The following KIAA1217 variants were observed in gnomAD, a reference collection of about 807,000 sequenced individuals.
The protein encoded by KIAA1217 is KIAA1217, also known as sickle tail protein homolog.
A neutral mutation model predicts 163.9 loss-of-function variants in KIAA1217; 88 were observed. That is an observed-to-expected ratio of 0.54 (90% CI 0.45 to 0.64). The LOEUF (loss-of-function observed/expected upper bound fraction) is 0.64, where lower values mean the gene tolerates loss of function less well. Ranked by LOEUF, KIAA1217 falls within the 30% of genes least tolerant of loss-of-function variation. KIAA1217 has a pLI of 0.00. For synonymous variants in KIAA1217, 903 were observed against 923.1 expected, an observed-to-expected ratio of 0.98 and a Z score of 0.39; for missense variants, 2,372 against 2,475.0, an observed-to-expected ratio of 0.96 and a Z score of 0.88.
At chr10:23,751,225 T>C (rs1185129309) in intron 1 of KIAA1217, among the ~76,000 whole-genome samples, 1 of 151,980 alleles carries the variant, frequency 6.6e-6, no homozygotes, top group Admixed American at 6.6e-5. Context: ...CTGGGGTTTC[T>C]CCATGTTGCC....
chr10:24,533,347 G>T, intron 16 of KIAA1217, 110 bp downstream of exon 16: 1 of 1,069,444 alleles, frequency 9.4e-7, no homozygotes, highest in Non-Finnish European at 1.3e-6. Flanking sequence ...CATGGACCGG[G>T]ACCATAGAAG....
intron 1 of KIAA1217, among the ~76,000 whole-genome samples, chr10:23,818,351 A>AAATATATATAT (rs374977941): frequency 5.9e-5 from 8 of 134,908 alleles, no homozygotes; most frequent in African/African-American, 2.0e-4. Context: ...TATATAAAAA[A>AAATATATATAT]ATATATATAT....
chr10:24,350,560 A>C (rs2048332086), intron 2 of KIAA1217, among the ~76,000 whole-genome samples: 2 of 152,240 alleles, frequency 1.3e-5, no homozygotes, highest in African/African-American at 4.8e-5. Context: ...CAAGCCATAA[A>C]ACATCAGTAA....
intron 5 of KIAA1217, among the ~76,000 whole-genome samples, chr10:24,465,975 C>T (rs935913661): frequency 1.1e-4 from 17 of 152,202 alleles, no homozygotes; most frequent in African/African-American, 3.9e-4. Flanking sequence ...GTTCCTTGCC[C>T]GGCGCTATGT....
chr10:24,157,983 G>A lies in KIAA1217; in HGVS notation c.-170-61643G>A, dbSNP rs11013923. ...CCAGCCCTGGTGACTCCACAATCTC[G>A]ATCAATTAGTGGCCCTTCAGTAGGA... is the stretch of plus-strand genomic sequence containing the variant. On this transcript the variant is annotated intron_variant, in intron 2 of 18. Transcript: ENST00000376462. The A allele has an allele frequency of 1.6e-3, 1,178 of 758,462 alleles. 6 individuals are homozygous for A. In the African/African-American group the frequency reaches 0.017, roughly 11 times the overall value. 47.0% of individuals were successfully genotyped at this position (758,462 alleles called of 1,614,324 possible). A position where few individuals can be genotyped will look rare whatever the true frequency, so the allele number is the denominator to read the frequency against.
At chr10:24,033,796 A>G (rs1564623902) in intron 2 of KIAA1217, among the ~76,000 whole-genome samples, 1 of 152,208 alleles carries the variant, frequency 6.6e-6, no homozygotes, top group Non-Finnish European at 1.5e-5. Flanking sequence ...GTTTTTACAA[A>G]CAAAGTTTTA....
intron 1 of KIAA1217, among the ~76,000 whole-genome samples, chr10:23,906,076 GC>G (rs1414002672): frequency 6.6e-6 from 1 of 151,940 alleles, no homozygotes; most frequent in Non-Finnish European, 1.5e-5. Flanking sequence ...AAGCAAAAGG[GC>G]CCAGCTAATT....
At chr10:24,505,839 T>C (rs1592496541) in intron 9 of KIAA1217, among the ~76,000 whole-genome samples, 2 of 152,232 alleles carry the variant, frequency 1.3e-5, no homozygotes, top group East Asian at 1.9e-4. Flanking sequence ...TTTGAAATGA[T>C]ACAATTCAAT....
At chr10:24,310,570 C>T (rs1228729874) in intron 2 of KIAA1217, among the ~76,000 whole-genome samples, 1 of 152,196 alleles carries the variant, frequency 6.6e-6, no homozygotes, top group Non-Finnish European at 1.5e-5. Flanking sequence ...ACAAATTACA[C>T]ACCACTCCCC....
At chr10:24,165,849 C>T (rs905877213) in intron 2 of KIAA1217, among the ~76,000 whole-genome samples, 2 of 152,154 alleles carry the variant, frequency 1.3e-5, no homozygotes, top group South Asian at 2.1e-4. Context: ...GTTTGCTGAA[C>T]CTTTAGCAAG....
At chr10:23,853,024 G>A (rs1479708729) in intron 1 of KIAA1217, among the ~76,000 whole-genome samples, 2 of 152,194 alleles carry the variant, frequency 1.3e-5, no homozygotes, top group East Asian at 1.9e-4. Flanking sequence ...CTGCCTAATT[G>A]CCCCGGCCAG....
Position 23,772,866 on chromosome 10 carries a change from G to T in KIAA1217, c.-321+77632G>T, listed in dbSNP as rs529909035. 3.2e-4 allele frequency among the ~76,000 whole-genome samples: 49 copies of T among 152,194 alleles called. 1 individual carries two copies. In the South Asian group the frequency reaches 1.0e-2, roughly 31 times the overall value. On this transcript the variant is annotated intron_variant, in intron 1 of 18. Transcript: ENST00000376462. ...ATACACAAACAAGGATCGCTTCTCG[G>T]CCTTTTGGCTGAGATCAAGTGTAGT...
intron 17 of KIAA1217, among the ~76,000 whole-genome samples, chr10:24,538,305 A>C (rs1030807458): frequency 1.3e-5 from 2 of 152,092 alleles, no homozygotes; most frequent in African/African-American, 4.8e-5. Context: ...CTGCCACATA[A>C]ATTGACATGT....
At chr10:24,174,735 A>G (rs745394766) in intron 2 of KIAA1217, among the ~76,000 whole-genome samples, 1 of 152,164 alleles carries the variant, frequency 6.6e-6, no homozygotes, top group Non-Finnish European at 1.5e-5. Context: ...ATTCATTTCA[A>G]TAGGTTGTGG....
intron 1 of KIAA1217, among the ~76,000 whole-genome samples, chr10:23,902,648 T>C (rs1842004150): frequency 6.6e-6 from 1 of 152,112 alleles, no homozygotes; most frequent in South Asian, 2.1e-4. Flanking sequence ...GAGCTTATAC[T>C]AGTCAGTCCA....
intron 1 of KIAA1217, among the ~76,000 whole-genome samples, chr10:23,928,556 G>C (rs1843125368): frequency 6.6e-6 from 1 of 152,146 alleles, no homozygotes; most frequent in Non-Finnish European, 1.5e-5. Context: ...CCTGGGGATG[G>C]AGTACTGAAC....
intron 14 of KIAA1217, among the ~76,000 whole-genome samples, chr10:24,528,371 G>C (rs1316287211): frequency 6.7e-6 from 1 of 149,488 alleles, no homozygotes; most frequent in African/African-American, 2.5e-5. Flanking sequence ...ACCCAGGCTG[G>C]AGTGTAGTGG....
chr10:24,490,099 T>A (rs1252463519), intron 6 of KIAA1217, among the ~76,000 whole-genome samples: 2 of 152,200 alleles, frequency 1.3e-5, no homozygotes, highest in Admixed American at 1.3e-4. Context: ...TGAGTTTTTT[T>A]ATTAATATTA....
intron 2 of KIAA1217, chr10:24,367,098 T>C (rs2050893944): frequency 1.0e-6 from 1 of 973,842 alleles, no homozygotes; most frequent in Admixed American, 6.1e-5. Context: ...TATTTTTTTC[T>C]TGTTTTCTCC....
Sources: gnomAD v4.1 joint callset for allele counts (sites outside exome capture counted in the v4.1 genomes callset) on GRCh38, gnomAD v4.1.1 for gene constraint, MANE v1.5 for transcripts, NCBI Gene and HGNC (gene_info 2026-07-23, HGNC 2026-07-21) for gene names.